Variants in LY6S observed in about 807,000 individuals in gnomAD.
The protein encoded by LY6S is lymphocyte antigen 6 family member S.
At chr8:143,044,763 C>T in the LY6S span, 1 of 1,367,514 alleles carries the variant, frequency 7.3e-7, no homozygotes, top group Non-Finnish European at 9.8e-7. Flanking sequence ...AGGCCCCTTC[C>T]AAGACCGCCA....
the LY6S span, among the ~76,000 whole-genome samples, chr8:143,050,881 C>T: frequency 4.6e-5 from 7 of 152,302 alleles, no homozygotes; most frequent in African/African-American, 1.4e-4. Flanking sequence ...AATACCTCGG[C>T]GCAAAAAGCA....
the LY6S span, chr8:143,042,839 G>A: frequency 2.4e-6 from 1 of 413,822 alleles, no homozygotes; most frequent in Admixed American, 3.2e-5. Flanking sequence ...CAAGCAGCCA[G>A]TGGTGGGGCC....
the LY6S span, among the ~76,000 whole-genome samples, chr8:143,048,411 G>A: frequency 2.6e-5 from 4 of 151,986 alleles, no homozygotes; most frequent in African/African-American, 7.2e-5. Context: ...GCACTCGGCC[G>A]CCACCTCGTG....
At chr8:143,070,453 TATATATATATAATATATATATAA>T in the LY6S span, among the ~76,000 whole-genome samples, 36 of 49,190 alleles carry the variant, frequency 7.3e-4, 1 homozygote, top group Admixed American at 3.2e-3. Flanking sequence ...ATTGTATATA[TATATATATATAATATATATATAA>T]ATATATATAT....
the LY6S span, among the ~76,000 whole-genome samples, chr8:143,072,033 T>A: frequency 6.6e-6 from 1 of 152,240 alleles, no homozygotes; most frequent in Non-Finnish European, 1.5e-5. Context: ...CCTCCTGACA[T>A]TGCAGTTGGC....
At chr8:143,049,498 T>A in the LY6S span, among the ~76,000 whole-genome samples, 1 of 152,192 alleles carries the variant, frequency 6.6e-6, no homozygotes, top group Non-Finnish European at 1.5e-5. Flanking sequence ...CCCGGCTTTA[T>A]GCAGCACCTG....
At chr8:143,058,050 G>C in the LY6S span, among the ~76,000 whole-genome samples, 1 of 152,194 alleles carries the variant, frequency 6.6e-6, no homozygotes, top group Non-Finnish European at 1.5e-5. Flanking sequence ...ATTAACGTCA[G>C]TGCAATTAAT....
At chr8:143,046,839 A>G in the LY6S span, among the ~76,000 whole-genome samples, 1 of 151,426 alleles carries the variant, frequency 6.6e-6, no homozygotes, top group Non-Finnish European at 1.5e-5. Flanking sequence ...GTCTCTACTG[A>G]AAAAAAATAA....
chr8:143,065,002 C>T, the LY6S span, among the ~76,000 whole-genome samples: 1 of 152,198 alleles, frequency 6.6e-6, no homozygotes, highest in African/African-American at 2.4e-5. Flanking sequence ...TTCAGGGATC[C>T]TCCCTGTCTG....
At chr8:143,057,496 C>A in the LY6S span, 1 of 700,380 alleles carries the variant, frequency 1.4e-6, no homozygotes, top group East Asian at 2.8e-5. Context: ...GATCCGCCCG[C>A]CCCGGCCTCC....
chr8:143,072,206 T>TTGAGAAGACAGCCATTGTCCTCGGGGTCC, the LY6S span, among the ~76,000 whole-genome samples: 1 of 124,894 alleles, frequency 8.0e-6, no homozygotes, highest in African/African-American at 3.0e-5. Context: ...CAGCCGTCAT[T>TTGAGAAGACAGCCATTGTCCTCGGGGTCC]CTGGGGGTTC....
the LY6S span, among the ~76,000 whole-genome samples, chr8:143,074,752 ACT>A: frequency 6.6e-6 from 1 of 152,020 alleles, no homozygotes; most frequent in Admixed American, 6.5e-5. Context: ...TGAAAATCAC[ACT>A]CTCCTGTAAT....
the LY6S span, among the ~76,000 whole-genome samples, chr8:143,045,854 C>T: frequency 9.1e-6 from 1 of 109,604 alleles, no homozygotes; most frequent in Non-Finnish European, 1.9e-5. The surrounding 1 kb of genome is among the most constrained non-coding windows in gnomAD (Gnocchi z 5.3). Flanking sequence ...GGCCAATTTA[C>T]TCATTTTTTT....
chr8:143,050,319 T>C, the LY6S span, among the ~76,000 whole-genome samples: 2 of 151,978 alleles, frequency 1.3e-5, no homozygotes, highest in Non-Finnish European at 1.5e-5. Context: ...TAGCTGGAAT[T>C]ACAGGCATGC....
At chr8:143,044,570 G>T in the LY6S span, 1 of 393,428 alleles carries the variant, frequency 2.5e-6, no homozygotes, top group South Asian at 4.2e-5. Context: ...GCCACAGACC[G>T]GCCCCCAAAG....
At chr8:143,044,870 C>T in the LY6S span, 2 of 1,282,914 alleles carry the variant, frequency 1.6e-6, no homozygotes, top group Non-Finnish European at 1.0e-6. Flanking sequence ...GGTGAGAGTC[C>T]CATGCCCACA....
the LY6S span, among the ~76,000 whole-genome samples, chr8:143,052,147 G>A: frequency 6.6e-6 from 1 of 151,646 alleles, no homozygotes; most frequent in Non-Finnish European, 1.5e-5. Flanking sequence ...CAGGCGTGGT[G>A]GCGGGCGCCT....
chr8:143,044,643 C>T, the LY6S span: 19 of 1,358,366 alleles, frequency 1.4e-5, no homozygotes, highest in Admixed American at 1.5e-4. Context: ...GCCCCTCCCT[C>T]CCCAGAACCT....
the LY6S span, among the ~76,000 whole-genome samples, chr8:143,076,147 C>T: frequency 5.3e-5 from 8 of 152,298 alleles, no homozygotes; most frequent in South Asian, 1.0e-3. Context: ...AAGGATTGTG[C>T]GCCGGGGAGA....
Sources: gnomAD v4.1 joint callset for allele counts (sites outside exome capture counted in the v4.1 genomes callset) on GRCh38, gnomAD v4.1.1 for gene constraint, Gnocchi (gnomAD v3.1) non-coding constraint, MANE v1.5 for transcripts, NCBI Gene and HGNC (gene_info 2026-07-23, HGNC 2026-07-21) for gene names.